PNLIPRP3: variants seen among roughly 807,000 people sequenced by gnomAD.
PNLIPRP3 encodes the protein pancreatic lipase-related protein 3.
Under a neutral mutation model 52.8 loss-of-function variants are expected in PNLIPRP3, and 58 were observed. The observed-to-expected ratio is 1.10, with a 90% confidence interval of 0.89 to 1.37. The LOEUF is 1.37. Ranked by LOEUF, PNLIPRP3 falls within the 40% of genes most tolerant of loss-of-function variation. The pLI, the probability that PNLIPRP3 is intolerant of heterozygous loss-of-function variation, is 0.00. For synonymous variants in PNLIPRP3, 192 were observed against 185.0 expected, an observed-to-expected ratio of 1.04 and a Z score of -0.31; for missense variants, 593 against 561.6, an observed-to-expected ratio of 1.06 and a Z score of -0.57.
chr10:116,433,146 A>AAAAAAAATT (rs1845730843), intron 1 of PNLIPRP3, among the ~76,000 whole-genome samples: 6 of 143,490 alleles, frequency 4.2e-5, no homozygotes, highest in South Asian at 2.1e-4. Flanking sequence ...AAAAAAAAAA[A>AAAAAAAATT]GTCTTGGAGT....
chr10:116,438,836 T>C (rs935875187), intron 2 of PNLIPRP3, among the ~76,000 whole-genome samples: 1 of 152,156 alleles, frequency 6.6e-6, no homozygotes, highest in Non-Finnish European at 1.5e-5. Flanking sequence ...GAGACACTTA[T>C]AAAGAAACAT....
chr10:116,458,572 C>A (rs1366409944), intron 5 of PNLIPRP3, among the ~76,000 whole-genome samples: 1 of 151,756 alleles, frequency 6.6e-6, no homozygotes. Context: ...TGTAATCACA[C>A]TAGTAAAATA....
At chr10:116,432,051 T>C (rs543701014) in intron 1 of PNLIPRP3, among the ~76,000 whole-genome samples, 1 of 152,328 alleles carries the variant, frequency 6.6e-6, no homozygotes, top group Admixed American at 6.5e-5. Context: ...TGTTTTAATG[T>C]AGCCATTTTT....
rs767172140 is a variant in PNLIPRP3 at position 116,476,679 on chromosome 10, C to T, written c.1200C>T (p.Tyr400=). The T allele has an allele frequency of 7.0e-6, 11 of 1,582,412 alleles. No homozygotes were observed. The African/African-American group carries it at 1.2e-4, about 18-fold the overall frequency. ...GAAAACTTGAGCCAGGCATGACTTA[C>T]ACAAAATTAATCGATGCAGATGTTA... ...VSGKLEPGMT[Y]TKLIDADVNV... Residue 400 remains tyrosine, a synonymous_variant, in exon 11 of 12, where the codon TAC becomes TAT. Coordinates refer to ENST00000369230, the MANE Select transcript of PNLIPRP3 (RefSeq NM_001011709.3).
chr10:116,469,217 C>T lies in PNLIPRP3; in HGVS notation c.960C>T (p.Cys320=). Residue 320 remains cysteine (C), a synonymous_variant, in exon 9 of 12, where the codon TGC becomes TGT. Transcript: ENST00000369230. ...GNCFFCSKEG[C]PTMGHFADRF... Reference sequence around the variant, plus strand: ...GCTTCTTTTGTTCCAAAGAAGGTTGCCCAACAATGGGTCATTTTGCTGATA... The same window carrying T: ...GCTTCTTTTGTTCCAAAGAAGGTTGTCCAACAATGGGTCATTTTGCTGATA... The T allele has an allele frequency of 1.2e-6, 2 of 1,612,116 alleles. No homozygotes were observed. The highest frequency in any genetic ancestry group is 1.7e-6 in the Non-Finnish European group (2 of 1,179,352).
At chr10:116,469,356 G>T (rs1405391107) in intron 9 of PNLIPRP3, 39 bp downstream of exon 9, 1 of 1,533,338 alleles carries the variant, frequency 6.5e-7, no homozygotes, top group Non-Finnish European at 8.8e-7. Context: ...ATGCTTTAAG[G>T]TACTTATCTT....
intron 1 of PNLIPRP3, among the ~76,000 whole-genome samples, chr10:116,433,594 G>A (rs539078417): frequency 1.3e-5 from 2 of 152,228 alleles, no homozygotes; most frequent in East Asian, 3.9e-4. Context: ...TTGTATTGTT[G>A]TTCCCCATAT....
At chr10:116,471,184 G>A (rs1222145692) in intron 9 of PNLIPRP3, among the ~76,000 whole-genome samples, 1 of 152,184 alleles carries the variant, frequency 6.6e-6, no homozygotes, top group Non-Finnish European at 1.5e-5. Flanking sequence ...TTTAGCTCTA[G>A]ATGTAAAAAG....
Position 116,469,293 on chromosome 10 carries a change from A to G in PNLIPRP3, c.1036A>G (p.Thr346Ala), listed in dbSNP as rs777095770. The G allele has an allele frequency of 6.2e-7, 1 of 1,608,406 alleles. No individual in the cohort carries two copies. The highest frequency in any genetic ancestry group is 1.7e-5 in the Admixed American group (1 of 59,192). ...TAATGGATCACATTATTTTTTAAACACAGGGTCCCTTTCCCCATTTGCCCG... is the reference window on the plus strand; with the variant it reads ...TAATGGATCACATTATTTTTTAAACGCAGGGTCCCTTTCCCCATTTGCCCG... ...KTNGSHYFLNTGSLSPFARWR... is the reference protein window; with the variant it reads ...KTNGSHYFLNAGSLSPFARWR... Residue 346 changes from threonine to alanine, a missense_variant, in exon 9 of 12, where the codon ACA becomes GCA. Coordinates refer to ENST00000369230, the MANE Select transcript of PNLIPRP3 (RefSeq NM_001011709.3).
intron 1 of PNLIPRP3, among the ~76,000 whole-genome samples, chr10:116,435,559 C>G (rs556375450): frequency 6.6e-6 from 1 of 152,074 alleles, no homozygotes; most frequent in Non-Finnish European, 1.5e-5. Flanking sequence ...TGTTATCTCT[C>G]GGCTTCAAGC....
At chr10:116,431,418 A>C (rs1044581449) in intron 1 of PNLIPRP3, among the ~76,000 whole-genome samples, 40 of 151,902 alleles carry the variant, frequency 2.6e-4, no homozygotes, top group African/African-American at 9.0e-4. Flanking sequence ...CCCCTATTCA[A>C]ACTCCTGGGG....
chr10:116,467,992 G>A (rs1017999782), intron 8 of PNLIPRP3, among the ~76,000 whole-genome samples: 38 of 151,730 alleles, frequency 2.5e-4, no homozygotes, highest in Non-Finnish European at 7.4e-5. Flanking sequence ...GGGCGTGGTG[G>A]CGGGTGCCTG....
At chr10:116,475,512 A>G (rs1438494613) in intron 10 of PNLIPRP3, among the ~76,000 whole-genome samples, 2 of 152,250 alleles carry the variant, frequency 1.3e-5, no homozygotes, top group African/African-American at 4.8e-5. Flanking sequence ...CAATGAGTGA[A>G]GATAGTTCTT....
intron 1 of PNLIPRP3, among the ~76,000 whole-genome samples, chr10:116,435,461 A>G (rs1845761851): frequency 1.3e-5 from 2 of 150,682 alleles, no homozygotes. Flanking sequence ...AAAAAAAACC[A>G]ACCAAACAAA....
intron 10 of PNLIPRP3, among the ~76,000 whole-genome samples, chr10:116,472,761 C>G (rs1263585928): frequency 6.6e-6 from 1 of 152,200 alleles, no homozygotes; most frequent in Non-Finnish European, 1.5e-5. Flanking sequence ...AACCATGTCT[C>G]CCACCATTTG....
chr10:116,466,528 G>A (rs1427022593), intron 8 of PNLIPRP3, among the ~76,000 whole-genome samples: 1 of 152,100 alleles, frequency 6.6e-6, no homozygotes, highest in East Asian at 1.9e-4. Context: ...GCCCTAAGAA[G>A]GCTGAACCAA....
intron 2 of PNLIPRP3, 92 bp downstream of exon 2, chr10:116,436,957 G>A: frequency 1.6e-6 from 2 of 1,257,072 alleles, no homozygotes; most frequent in Non-Finnish European, 2.1e-6. Context: ...AACCTATTCT[G>A]ACATATGCTA....
In PNLIPRP3 at chr10:116,461,177, C is replaced by A. The variant is rs149530976; in HGVS notation, c.695C>A (p.Thr232Asn). 381 of 1,614,122 alleles carry A rather than the reference C, an allele frequency of 2.4e-4. 1 individual carries two copies. In the African/African-American group the frequency reaches 4.4e-3, roughly 19 times the overall value. Residue 232 changes from threonine to asparagine, a missense_variant, in exon 7 of 12, where the codon ACC becomes AAC. Transcript: ENST00000369230. ...ARILFELGVGTIDACGHLDFY... is the reference protein window; with the variant it reads ...ARILFELGVGNIDACGHLDFY... ...TTTTTATTTATTTCAGGTGTTGGAA[C>A]CATTGATGCTTGTGGTCATCTTGAC...
chr10:116,457,415 A>G (rs1199519019), intron 5 of PNLIPRP3, among the ~76,000 whole-genome samples: 1 of 152,066 alleles, frequency 6.6e-6, no homozygotes, highest in African/African-American at 2.4e-5. Flanking sequence ...TCAAATCTCA[A>G]TTTAGAACAC....
Sources: allele counts gnomAD v4.1 joint callset (sites outside exome capture counted in the v4.1 genomes callset), GRCh38; gene constraint gnomAD v4.1.1; transcripts MANE v1.5; gene names NCBI Gene and HGNC (gene_info 2026-07-23, HGNC 2026-07-21).